BANP: variants seen among roughly 807,000 people sequenced by gnomAD.
BANP encodes the protein protein BANP.
Under a neutral mutation model 68.1 loss-of-function variants are expected in BANP, and 11 were observed. The observed-to-expected ratio is 0.16, with a 90% CI of 0.10 to 0.27. BANP has a LOEUF of 0.27. Ranked by LOEUF, BANP falls within the 10% of genes least tolerant of loss-of-function variation. The pLI, the probability that BANP is intolerant of heterozygous loss-of-function variation, is 1.00. For missense variants in BANP, 504 were observed against 722.7 expected (o/e 0.70, Z 3.47); for synonymous variants, 329 against 303.2 (o/e 1.09, Z -0.88).
intron 12 of BANP, among the ~76,000 whole-genome samples, chr16:88,067,743 C>T (rs888623620): frequency 6.6e-6 from 1 of 152,170 alleles, no homozygotes; most frequent in Non-Finnish European, 1.5e-5. Context: ...CAGTCCTGGT[C>T]CTCCACCCTT....
At chr16:87,987,029 C>T (rs2064605581) in intron 4 of BANP, among the ~76,000 whole-genome samples, 1 of 152,138 alleles carries the variant, frequency 6.6e-6, no homozygotes, top group South Asian at 2.1e-4. Flanking sequence ...AAAGTATATT[C>T]TATTTAAAAT....
At chr16:88,026,983 G>C (rs576347087) in intron 7 of BANP, among the ~76,000 whole-genome samples, 1 of 152,366 alleles carries the variant, frequency 6.6e-6, no homozygotes, top group Admixed American at 6.5e-5. Context: ...TGGTTATCCA[G>C]GGGGATGGTG....
At position 88,057,756 on chromosome 16, in the gene BANP, G is replaced by C. The variant is rs1319445592; in HGVS notation, c.1312-7511G>C. 5.2e-3 allele frequency among the ~76,000 whole-genome samples: 8 copies of C among 1,542 alleles called. 1 individual carries two copies. In the Admixed American group the frequency reaches 0.14, roughly 26 times the overall value. The allele number at this position is 1,542 out of a possible 152,430, so 1.0% of individuals were successfully genotyped here. ...ATGGCGGGGCCATCTGGGTGGGGCGGGGGGGGGGGTGCGTGCAGTGACTCG... is the reference window on the plus strand; with the variant it reads ...ATGGCGGGGCCATCTGGGTGGGGCGCGGGGGGGGGTGCGTGCAGTGACTCG... On this transcript the variant is annotated intron_variant, in intron 11 of 13. Coordinates refer to ENST00000682872, the MANE Select transcript of BANP (RefSeq NM_001386991.1). This position sits in a 1 kb window ranked among gnomAD's most constrained non-coding sequence, Gnocchi z 4.6.
At chr16:88,012,537 G>T (rs1290442808) in intron 6 of BANP, among the ~76,000 whole-genome samples, 5 of 152,128 alleles carry the variant, frequency 3.3e-5, no homozygotes, top group Non-Finnish European at 7.3e-5. Context: ...ATGGCCTTCT[G>T]ATTTGTTCAC....
Position 87,954,346 on chromosome 16 carries a change from C to A in BANP, c.-69+2831C>A, listed in dbSNP as rs549051475. On this transcript the variant is annotated intron_variant, in intron 1 of 13. Coordinates refer to ENST00000682872, the MANE Select transcript of BANP (RefSeq NM_001386991.1). ...TAAGGAAACTAATAAGGATTCTTCC[C>A]AGCTCTCCTTTGTTCTGATTTCTTG... is the stretch of plus-strand genomic sequence containing the variant. 3.3e-5 allele frequency among the ~76,000 whole-genome samples: 5 copies of A among 152,280 alleles called. No individual in the cohort carries two copies. The South Asian group carries it at 1.0e-3, about 32-fold the overall frequency.
chr16:88,049,564 G>C (rs933783328), intron 11 of BANP, among the ~76,000 whole-genome samples: 13 of 152,136 alleles, frequency 8.5e-5, no homozygotes, highest in African/African-American at 3.1e-4. Context: ...GCAAGCAGGG[G>C]GATCATTAGA....
chr16:88,017,002 A>G (rs2074728663), intron 6 of BANP, among the ~76,000 whole-genome samples: 1 of 152,204 alleles, frequency 6.6e-6, no homozygotes, highest in South Asian at 2.1e-4. Flanking sequence ...TGGAAATCTT[A>G]TATTTCAGGG....
chr16:88,073,011 G>A (rs546058234), intron 13 of BANP, among the ~76,000 whole-genome samples: 56 of 152,350 alleles, frequency 3.7e-4, no homozygotes, highest in African/African-American at 1.3e-3. Flanking sequence ...TGATCCACCT[G>A]TGTCTTGATG....
chr16:87,956,455 C>G (rs781128810), intron 1 of BANP: 1 of 152,182 alleles, frequency 6.6e-6, no homozygotes, highest in South Asian at 2.1e-4. Context: ...CTGAACCATC[C>G]GGAACTTTGG....
chr16:88,067,142 G>A (rs956205524), intron 12 of BANP, among the ~76,000 whole-genome samples: 5 of 152,222 alleles, frequency 3.3e-5, no homozygotes, highest in African/African-American at 4.8e-5. Context: ...AGGTGAAGCC[G>A]CTGACCTTTG....
In BANP at chr16:88,039,861, G is replaced by A. The variant is rs139069831; in HGVS notation, c.1311+1850G>A. Reference sequence around the variant, plus strand: ...GTGCCTTTGCACTGCAAGCAGGGTCGCAACTGCTGCTCATTCCCGGGTCTT... The same window carrying A: ...GTGCCTTTGCACTGCAAGCAGGGTCACAACTGCTGCTCATTCCCGGGTCTT... On this transcript the variant is annotated intron_variant, in intron 11 of 13. Coordinates refer to ENST00000682872, the MANE Select transcript of BANP (RefSeq NM_001386991.1). 3.3e-3 allele frequency among the ~76,000 whole-genome samples: 501 copies of A among 152,240 alleles called. 4 individuals carry two copies. Among genetic ancestry groups the A allele is most frequent in the African/African-American group, 0.012 (479 of 41,568 alleles).
At chr16:88,074,154 C>T (rs943268515) in intron 13 of BANP, among the ~76,000 whole-genome samples, 5 of 152,194 alleles carry the variant, frequency 3.3e-5, no homozygotes, top group South Asian at 2.1e-4. Flanking sequence ...ACTCTGCAGG[C>T]GTGACTGCAC....
chr16:88,068,900 C>T (rs200612345), intron 12 of BANP, among the ~76,000 whole-genome samples: 4 of 152,178 alleles, frequency 2.6e-5, no homozygotes, highest in Admixed American at 2.6e-4. Flanking sequence ...CGTCCCCAGC[C>T]TGTGGTCTGA....
At chr16:88,022,479 T>C (rs902593236) in intron 7 of BANP, among the ~76,000 whole-genome samples, 1 of 152,230 alleles carries the variant, frequency 6.6e-6, no homozygotes. Context: ...TTGTAGTTCT[T>C]TTCAAATCAT....
chr16:88,060,649 G>A (rs1448144255), intron 11 of BANP, among the ~76,000 whole-genome samples: 1 of 152,218 alleles, frequency 6.6e-6, no homozygotes, highest in African/African-American at 2.4e-5. Flanking sequence ...GCCTCTTTCT[G>A]TGGGGAGCGA....
rs146997760 is a variant in BANP at position 88,075,019 on chromosome 16, C to T, written c.1522-1571C>T. On this transcript the variant is annotated intron_variant, in intron 13 of 13. Coordinates refer to ENST00000682872, the MANE Select transcript of BANP (RefSeq NM_001386991.1). ...AGGACTTCAAGACCAGCCTGGGCAA[C>T]GTAGCGAGACCCCCATCTCTACAAA... Among the ~76,000 whole-genome samples the T allele has an allele frequency of 7.9e-3, 1,209 of 152,232 alleles. 12 individuals are homozygous for T. The highest frequency in any genetic ancestry group is 0.027 in the African/African-American group (1,139 of 41,542).
intron 2 of BANP, among the ~76,000 whole-genome samples, chr16:87,976,000 T>C (rs2062049483): frequency 6.6e-6 from 1 of 152,120 alleles, no homozygotes; most frequent in Non-Finnish European, 1.5e-5. Context: ...TGTGGTGTCA[T>C]GGAACCTTAC....
intron 4 of BANP, among the ~76,000 whole-genome samples, chr16:87,989,086 TTAAA>T (rs371176199): frequency 4.3e-4 from 66 of 152,372 alleles, no homozygotes; most frequent in African/African-American, 1.5e-3. Flanking sequence ...ATGAGATTCT[TTAAA>T]TAACTTCGAG....
intron 5 of BANP, among the ~76,000 whole-genome samples, chr16:88,005,686 G>C (rs2070819867): frequency 6.6e-6 from 1 of 152,212 alleles, no homozygotes; most frequent in African/African-American, 2.4e-5. Flanking sequence ...AGCGAGCCCA[G>C]CAGCGTGGAT....
Sources: allele counts gnomAD v4.1 joint callset (sites outside exome capture counted in the v4.1 genomes callset), GRCh38; gene constraint gnomAD v4.1.1; non-coding constraint Gnocchi (gnomAD v3.1); transcripts MANE v1.5; gene names NCBI Gene and HGNC (gene_info 2026-07-23, HGNC 2026-07-21).